ZDHHC2: variants seen among roughly 807,000 people sequenced by gnomAD.
The protein encoded by ZDHHC2 is palmitoyltransferase ZDHHC2.
In ZDHHC2, 51 loss-of-function variants were observed where a neutral mutation model predicts 55.6. The ratio of observed to expected loss-of-function variants is 0.92; its 90% CI spans 0.73 to 1.16. ZDHHC2 has a LOEUF of 1.16. Among genes scored for constraint, ZDHHC2 ranks in the 50% most tolerant of loss-of-function variants. The pLI is 0.00. For missense variants in ZDHHC2, 491 were observed against 442.4 expected, an observed-to-expected ratio of 1.11 and a Z score of -0.99; for synonymous variants, 199 against 152.9, an observed-to-expected ratio of 1.30 and a Z score of -2.22.
chr8:17,212,190 CTCCCATG>C (rs977924139), intron 10 of ZDHHC2, among the ~76,000 whole-genome samples: 52 of 152,256 alleles, frequency 3.4e-4, no homozygotes, highest in African/African-American at 1.2e-3. Flanking sequence ...ATTCTACTAT[CTCCCATG>C]TTGAGCCCAG....
At chr8:17,189,102 G>GT (rs112068030) in intron 3 of ZDHHC2, among the ~76,000 whole-genome samples, 15,308 of 115,668 alleles carry the variant, frequency 0.13, 1,061 homozygotes, top group South Asian at 0.27. Flanking sequence ...TTTTTGTTGG[G>GT]TTTTTTTTTT....
intron 1 of ZDHHC2, among the ~76,000 whole-genome samples, chr8:17,172,602 A>G (rs944682338): frequency 1.3e-5 from 2 of 152,224 alleles, no homozygotes; most frequent in Non-Finnish European, 2.9e-5. Flanking sequence ...GCAGTAAATT[A>G]TAATAATAAA....
At position 17,224,322 on chromosome 8, in the gene ZDHHC2, A is replaced by G. The variant is rs1808036675; in HGVS notation, c.*4101A>G. ...ATTCAGTATTTCTGTATTGTTTACA[A>G]TTGGGGGAAAATGTCTGTTAAGGCT... On this transcript the variant is annotated 3_prime_UTR_variant, in exon 13 of 13. Transcript: ENST00000262096. 6.6e-6 allele frequency: 1 copy of G among 151,756 alleles called. No individual in the cohort carries two copies. Among genetic ancestry groups the G allele is most frequent in the Non-Finnish European group, 1.5e-5 (1 of 67,742 alleles). 9.4% of individuals were successfully genotyped at this position (151,756 alleles called of 1,614,324 possible).
intron 1 of ZDHHC2, among the ~76,000 whole-genome samples, chr8:17,157,904 C>T (rs908365556): frequency 6.6e-6 from 1 of 152,136 alleles, no homozygotes; most frequent in Non-Finnish European, 1.5e-5. Flanking sequence ...TTCAAAGCCT[C>T]AAGATTCAGA....
At chr8:17,184,659 G>C (rs1383839280) in intron 1 of ZDHHC2, 130 bp from the exon 2 acceptor site, 11 of 766,482 alleles carry the variant, frequency 1.4e-5, no homozygotes, top group Non-Finnish European at 2.3e-5. Context: ...AAATAAAGTT[G>C]AATAAATATT....
chr8:17,165,603 AATTT>A (rs1158181520), intron 1 of ZDHHC2, among the ~76,000 whole-genome samples: 2 of 152,154 alleles, frequency 1.3e-5, no homozygotes, highest in African/African-American at 4.8e-5. Flanking sequence ...ACACCCTTTT[AATTT>A]ATTCGTTCAA....
rs571932088 is a variant in ZDHHC2 at position 17,200,035 on chromosome 8, G to A, written c.476+1622G>A. 9.8e-4 allele frequency among the ~76,000 whole-genome samples: 149 copies of A among 152,200 alleles called. 1 individual carries two copies. The highest frequency in any genetic ancestry group is 3.4e-3 in the Middle Eastern group (1 of 294). On this transcript the variant is annotated intron_variant, in intron 6 of 12. Transcript: ENST00000262096. ...CTCCCAAAGTGCTGGGATTACAGGC[G>A]CGAGCCACCATGCCTGGCCAACGTC... is the stretch of plus-strand genomic sequence containing the variant.
At chr8:17,167,194 T>C (rs576868122) in intron 1 of ZDHHC2, among the ~76,000 whole-genome samples, 16 of 152,058 alleles carry the variant, frequency 1.1e-4, no homozygotes, top group South Asian at 4.1e-4. Flanking sequence ...GGTGGACATC[T>C]CAAGCAACAA....
At chr8:17,210,257 G>C in intron 9 of ZDHHC2, 131 bp from the exon 10 acceptor site, 1 of 1,060,002 alleles carries the variant, frequency 9.4e-7, no homozygotes, top group Non-Finnish European at 1.3e-6. Flanking sequence ...ACTATGTTGA[G>C]CTCAATGTCT....
In ZDHHC2 at chr8:17,194,289, A is replaced by G. The variant is rs566607135; in HGVS notation, c.253-1215A>G. Among the ~76,000 whole-genome samples the G allele has an allele frequency of 1.1e-4, 16 of 150,196 alleles. No individual in the cohort carries two copies. In the South Asian group the frequency reaches 3.3e-3, roughly 31 times the overall value. On this transcript the variant is annotated intron_variant, in intron 3 of 12. Transcript: ENST00000262096. ...GACATATCACTTTTAAAGTTTTTTA[A>G]ATTGTAAAATATTTTATACATATTT... is the stretch of plus-strand genomic sequence containing the variant.
chr8:17,209,232 A>G (rs1201006196), intron 8 of ZDHHC2, among the ~76,000 whole-genome samples: 1 of 152,184 alleles, frequency 6.6e-6, no homozygotes, highest in Non-Finnish European at 1.5e-5. Flanking sequence ...CAGATGCAAT[A>G]CATGGTTCTG....
At chr8:17,204,771 CCTGT>C (rs1273700372) in intron 6 of ZDHHC2, among the ~76,000 whole-genome samples, 1 of 152,042 alleles carries the variant, frequency 6.6e-6, no homozygotes, top group African/African-American at 2.4e-5. Flanking sequence ...CTCACGTTTA[CCTGT>C]CTAACAAACC....
intron 12 of ZDHHC2, 111 bp downstream of exon 12, chr8:17,217,357 G>A: frequency 1.2e-6 from 1 of 801,952 alleles, no homozygotes; most frequent in Non-Finnish European, 1.9e-6. Context: ...TCATATAGAA[G>A]ATCTTTTACC....
chr8:17,195,587 C>G lies in ZDHHC2; in HGVS notation c.336C>G (p.Ala112=), dbSNP rs907283816. Residue 112 remains alanine, a synonymous_variant, in exon 4 of 13, where the codon GCC becomes GCG. Transcript: ENST00000262096. ...EAHQEVLRRA[A]KDLPIYTRTM... ...ATCAGGAAGTTCTTAGGCGAGCAGCCAAGGATCTTCCCATCTATACCAGGA... is the reference window on the plus strand; with the variant it reads ...ATCAGGAAGTTCTTAGGCGAGCAGCGAAGGATCTTCCCATCTATACCAGGA... The G allele has an allele frequency of 1.2e-6, 2 of 1,613,742 alleles. No individual in the cohort carries two copies. Among genetic ancestry groups the G allele is most frequent in the Non-Finnish European group, 1.7e-6 (2 of 1,179,834 alleles).
At chr8:17,179,284 C>T (rs907027009) in intron 1 of ZDHHC2, among the ~76,000 whole-genome samples, 2 of 152,042 alleles carry the variant, frequency 1.3e-5, no homozygotes, top group South Asian at 2.1e-4. Flanking sequence ...TGATCAGTGG[C>T]GGTGGAGGGG....
chr8:17,211,131 C>T (rs1206816325), intron 10 of ZDHHC2, among the ~76,000 whole-genome samples: 3 of 152,138 alleles, frequency 2.0e-5, no homozygotes, highest in African/African-American at 7.2e-5. Flanking sequence ...AACGTGCTAC[C>T]AACTGGCAAA....
Position 17,223,982 on chromosome 8 carries a change from C to T in ZDHHC2, c.*3761C>T, listed in dbSNP as rs1418334424. The T allele has an allele frequency of 2.0e-5, 3 of 151,642 alleles. No homozygotes were observed. Among genetic ancestry groups the T allele is most frequent in the Non-Finnish European group, 4.4e-5 (3 of 67,688 alleles). The allele number at this position is 151,642 out of a possible 1,614,324, so 9.4% of individuals were successfully genotyped here. On this transcript the variant is annotated 3_prime_UTR_variant, in exon 13 of 13. Transcript: ENST00000262096. ...TGAATCAACTATGAATATGAAGTAT[C>T]TCCCAGAACAATGTTGAGTGTTTCA...
intron 10 of ZDHHC2, among the ~76,000 whole-genome samples, chr8:17,212,113 C>T (rs990889465): frequency 5.9e-5 from 9 of 152,062 alleles, no homozygotes; most frequent in African/African-American, 2.2e-4. Context: ...TCTTTTGAGG[C>T]CTCTGTTTCC....
At chr8:17,213,402 C>A (rs1410325710) in intron 10 of ZDHHC2, among the ~76,000 whole-genome samples, 1 of 151,996 alleles carries the variant, frequency 6.6e-6, no homozygotes, top group African/African-American at 2.4e-5. Flanking sequence ...TACATGTACA[C>A]CACAATGCCC....
Sources: allele counts gnomAD v4.1 joint callset (sites outside exome capture counted in the v4.1 genomes callset), GRCh38; gene constraint gnomAD v4.1.1; transcripts MANE v1.5; gene names NCBI Gene and HGNC (gene_info 2026-07-23, HGNC 2026-07-21).